Variants in MAP3K7 observed in about 807,000 individuals in gnomAD.
MAP3K7 encodes TGF-beta activated kinase 1.
MAP3K7 carries 21 observed loss-of-function variants against 84.8 expected under a neutral mutation model. The observed-to-expected ratio is 0.25, with a 90% CI of 0.18 to 0.36. MAP3K7 has a LOEUF of 0.36. Among genes scored for constraint, MAP3K7 ranks in the 10% least tolerant of loss-of-function variants. The pLI, the probability that MAP3K7 is intolerant of heterozygous loss-of-function variation, is 1.00. For missense variants in MAP3K7, 503 were observed against 747.7 expected (o/e 0.67, Z 3.82); for synonymous variants, 241 against 247.7 (o/e 0.97, Z 0.25).
chr6:90,573,659 G>A (rs1776978306), intron 1 of MAP3K7, among the ~76,000 whole-genome samples: 1 of 152,178 alleles, frequency 6.6e-6, no homozygotes, highest in Admixed American at 6.5e-5. Context: ...GGCAAATGGA[G>A]TCACATGGTT....
rs767689993 is a variant in MAP3K7 at position 90,523,660 on chromosome 6, A to C, written c.1462+18T>G. Reference sequence around the variant, plus strand: ...TGACTGATTCAACTTCATAAGTATGAAGAAACAGACTGGTCACCTGTGGAA... The same window carrying C: ...TGACTGATTCAACTTCATAAGTATGCAGAAACAGACTGGTCACCTGTGGAA... On this transcript the variant is annotated intron_variant, in intron 14 of 16. Transcript: ENST00000369329. 8 of 1,547,742 alleles carry C rather than the reference A, an allele frequency of 5.2e-6. No homozygotes were observed. The highest frequency in any genetic ancestry group is 1.4e-5 in the African/African-American group (1 of 73,544).
At chr6:90,533,659 C>A (rs1775577154) in intron 13 of MAP3K7, among the ~76,000 whole-genome samples, 1 of 152,158 alleles carries the variant, frequency 6.6e-6, no homozygotes, top group Admixed American at 6.5e-5. Flanking sequence ...AGAAAACATT[C>A]CGAAGTAGTC....
chr6:90,580,394 A>G (rs1309675102), intron 1 of MAP3K7, among the ~76,000 whole-genome samples: 7 of 152,246 alleles, frequency 4.6e-5, no homozygotes, highest in Non-Finnish European at 8.8e-5. Flanking sequence ...TTTCTAGTCC[A>G]AGTTCACAAA....
At chr6:90,561,193 A>T (rs1776501639) in intron 4 of MAP3K7, among the ~76,000 whole-genome samples, 2 of 152,248 alleles carry the variant, frequency 1.3e-5, no homozygotes, top group South Asian at 2.1e-4. Flanking sequence ...TTTTTTCATT[A>T]CTACAAATAA....
Position 90,550,435 on chromosome 6 carries a change from T to C in MAP3K7, c.949+33A>G, listed in dbSNP as rs770945655. 1.4e-5 allele frequency: 19 copies of C among 1,396,020 alleles called. No homozygotes were observed. In the East Asian group the frequency reaches 4.1e-4, roughly 30 times the overall value. 86.5% of individuals were successfully genotyped at this position (1,396,020 alleles called of 1,614,324 possible). A position where few individuals can be genotyped will look rare whatever the true frequency, so the allele number is the denominator to read the frequency against. The stretch of plus-strand genomic sequence containing the variant: ...CATGGGAATAGAGATGAAAGAAAAA[T>C]CAAGTCAATACTCTTCCAATCTATC... On this transcript the variant is annotated intron_variant, in intron 9 of 16. Coordinates refer to ENST00000369329, the MANE Select transcript of MAP3K7 (RefSeq NM_145331.3).
chr6:90,539,416 C>T (rs1243003214), intron 12 of MAP3K7, among the ~76,000 whole-genome samples: 1 of 151,818 alleles, frequency 6.6e-6, no homozygotes, highest in African/African-American at 2.4e-5. Context: ...GAAACTAGTA[C>T]AGTACATCTT....
At chr6:90,536,685 C>T in intron 12 of MAP3K7, 1 of 311,314 alleles carries the variant, frequency 3.2e-6, no homozygotes, top group Non-Finnish European at 6.1e-6. Flanking sequence ...CTGCTGAACT[C>T]TCTTCCACCA....
At chr6:90,568,532 T>G (rs377328350) in intron 3 of MAP3K7, 26 bp downstream of exon 3, 2 of 1,586,788 alleles carry the variant, frequency 1.3e-6, no homozygotes, top group African/African-American at 2.7e-5. Context: ...TTCTCACAGG[T>G]GACCATGAAA....
chr6:90,564,047 G>T (rs1776614537), intron 3 of MAP3K7, among the ~76,000 whole-genome samples: 1 of 152,116 alleles, frequency 6.6e-6, no homozygotes, highest in Admixed American at 6.5e-5. Flanking sequence ...CAGGCCTGCT[G>T]AACAAGAGCT....
Position 90,548,386 on chromosome 6 carries a change from C to A in MAP3K7, c.950-209G>T, listed in dbSNP as rs1466769305. Among the ~76,000 whole-genome samples, 3 of 152,124 alleles carry A rather than the reference C, an allele frequency of 2.0e-5. No individual in the cohort carries two copies. The East Asian group carries it at 5.8e-4, about 29-fold the overall frequency. ...AAAGGAACCAAGATGCCTAAATAGT[C>A]TTCTAATAGTCAAGAATAACTTAAG... On this transcript the variant is annotated intron_variant, in intron 9 of 16. Transcript: ENST00000369329.
intron 6 of MAP3K7, among the ~76,000 whole-genome samples, chr6:90,554,929 T>C (rs951777895): frequency 1.3e-5 from 2 of 152,208 alleles, no homozygotes; most frequent in African/African-American, 4.8e-5. Flanking sequence ...TGCATTGCAA[T>C]TTCTCTTCCT....
intron 13 of MAP3K7, among the ~76,000 whole-genome samples, chr6:90,524,009 T>C (rs1404497607): frequency 6.6e-6 from 1 of 152,144 alleles, no homozygotes; most frequent in East Asian, 1.9e-4. Context: ...ACTCTGAGAT[T>C]AGAAACAAAA....
intron 14 of MAP3K7, among the ~76,000 whole-genome samples, chr6:90,520,660 T>C (rs1329857825): frequency 1.3e-5 from 2 of 151,948 alleles, no homozygotes; most frequent in Admixed American, 1.3e-4. Context: ...AGAAAAACAG[T>C]AGAGACTTAA....
At chr6:90,566,026 A>G (rs1045985602) in intron 3 of MAP3K7, among the ~76,000 whole-genome samples, 2 of 152,216 alleles carry the variant, frequency 1.3e-5, no homozygotes, top group African/African-American at 4.8e-5. Flanking sequence ...CTTCATGCTA[A>G]AAACTCTCAA....
At chr6:90,563,001 C>T (rs944633760) in intron 3 of MAP3K7, among the ~76,000 whole-genome samples, 2 of 152,214 alleles carry the variant, frequency 1.3e-5, no homozygotes, top group African/African-American at 4.8e-5. Flanking sequence ...AACAAACCTG[C>T]AGCTGAGGTC....
At chr6:90,541,194 A>G (rs529033285) in intron 12 of MAP3K7, among the ~76,000 whole-genome samples, 1 of 152,186 alleles carries the variant, frequency 6.6e-6, no homozygotes, top group East Asian at 1.9e-4. Context: ...AATTAGATGT[A>G]CTGGCTGAAA....
Position 90,516,531 on chromosome 6 carries a change from A to G in MAP3K7, c.1791T>C (p.Ser597=). The change falls in exon 17 of 17, where the codon AGT becomes AGC. Residue 597 remains serine (S), a synonymous_variant. Transcript: ENST00000369329. ...QCKKQLEVIR[S]QQQKRQGTS is the part of the protein sequence containing the mutation. ...AAGTGCCTTGTCGTTTCTGCTGCTG[A>G]CTTCTGATGACCTCTAGTTGTTTTT... The G allele has an allele frequency of 6.2e-7, 1 of 1,612,148 alleles. No individual in the cohort carries two copies. The highest frequency in any genetic ancestry group is 8.5e-7 in the Non-Finnish European group (1 of 1,178,930).
intron 2 of MAP3K7, among the ~76,000 whole-genome samples, chr6:90,569,964 CTCTA>C (rs1172474752): frequency 3.3e-5 from 5 of 152,130 alleles, no homozygotes; most frequent in Admixed American, 6.6e-5. Flanking sequence ...TAATAAAAAG[CTCTA>C]TCTATCTAGA....
intron 13 of MAP3K7, among the ~76,000 whole-genome samples, chr6:90,528,361 A>C (rs1775391014): frequency 6.6e-6 from 1 of 152,200 alleles, no homozygotes; most frequent in Non-Finnish European, 1.5e-5. Context: ...AGTAAAATGA[A>C]ATGCAATACA....
Sources: allele counts gnomAD v4.1 joint callset (sites outside exome capture counted in the v4.1 genomes callset), GRCh38; gene constraint gnomAD v4.1.1; transcripts MANE v1.5; gene names NCBI Gene and HGNC (gene_info 2026-07-23, HGNC 2026-07-21).